Variants in NCALD observed in about 807,000 individuals in gnomAD.
NCALD encodes the protein neurocalcin delta.
A neutral mutation model predicts 18.6 loss-of-function variants in NCALD; 10 were observed. The observed-to-expected ratio is 0.54, with a 90% CI of 0.33 to 0.91. The LOEUF is 0.91. NCALD is among the 40% of genes least tolerant of loss of function. The pLI is 0.03. For missense variants in NCALD, 184 were observed against 247.6 expected, an observed-to-expected ratio of 0.74 and a Z score of 1.72; for synonymous variants, 88 against 87.4, an observed-to-expected ratio of 1.01 and a Z score of -0.04.
intron 1 of NCALD, among the ~76,000 whole-genome samples, chr8:101,741,824 C>A (rs373542129): frequency 6.8e-6 from 1 of 147,666 alleles, no homozygotes; most frequent in Non-Finnish European, 1.5e-5. Flanking sequence ...GTGGTCTCAG[C>A]TACTCAGGAA....
chr8:101,975,274 G>A (rs1013093602), intron 2 of NCALD: 50 of 152,142 alleles, frequency 3.3e-4, no homozygotes, highest in African/African-American at 1.2e-3. Context: ...TTATTTCTTC[G>A]TGTTCCAGAA....
chr8:102,082,740 A>G (rs1452232758), intron 1 of NCALD, among the ~76,000 whole-genome samples: 2 of 152,206 alleles, frequency 1.3e-5, no homozygotes, highest in Non-Finnish European at 2.9e-5. Flanking sequence ...TCAAGACCAC[A>G]TGGTGGTTAA....
intron 4 of NCALD, among the ~76,000 whole-genome samples, chr8:101,880,485 G>A (rs930615871): frequency 5.9e-5 from 9 of 152,234 alleles, no homozygotes; most frequent in African/African-American, 2.2e-4. Context: ...AGGGCTCCTG[G>A]AGCATGGCCA....
chr8:101,805,183 A>G (rs1236447247), intron 4 of NCALD, among the ~76,000 whole-genome samples: 1 of 152,210 alleles, frequency 6.6e-6, no homozygotes, highest in Non-Finnish European at 1.5e-5. Context: ...TAAAACTCTG[A>G]AAGAACACTG....
chr8:102,088,292 A>G (rs1412692714), intron 1 of NCALD, among the ~76,000 whole-genome samples: 1 of 152,146 alleles, frequency 6.6e-6, no homozygotes, highest in Non-Finnish European at 1.5e-5. Flanking sequence ...CATGACCTTT[A>G]CCATTTTTTA....
At chr8:102,095,236 G>A (rs1011214587) in intron 1 of NCALD, among the ~76,000 whole-genome samples, 1 of 152,182 alleles carries the variant, frequency 6.6e-6, no homozygotes, top group Admixed American at 6.5e-5. Flanking sequence ...ACTGAGAAGG[G>A]TGCGAGAGAT....
chr8:101,895,496 G>A (rs1440851837), intron 3 of NCALD, among the ~76,000 whole-genome samples: 1 of 151,544 alleles, frequency 6.6e-6, no homozygotes, highest in Non-Finnish European at 1.5e-5. Context: ...TCAATATAGT[G>A]TTGGAAGTTC....
intron 2 of NCALD, among the ~76,000 whole-genome samples, chr8:101,924,569 A>G (rs1390680176): frequency 6.6e-6 from 1 of 152,216 alleles, no homozygotes; most frequent in African/African-American, 2.4e-5. Flanking sequence ...AACAGATCAT[A>G]TTCATCCTCT....
intron 2 of NCALD, among the ~76,000 whole-genome samples, chr8:102,009,642 GA>G (rs1821835746): frequency 6.6e-6 from 1 of 152,230 alleles, no homozygotes; most frequent in African/African-American, 2.4e-5. Context: ...TTATGCTTAA[GA>G]GAAGTTTTGA....
intron 1 of NCALD, among the ~76,000 whole-genome samples, chr8:102,092,481 GGT>G: frequency 6.6e-6 from 1 of 152,130 alleles, no homozygotes. Context: ...ACCCCTTTCT[GGT>G]AACACCCCCA....
chr8:101,827,320 T>C (rs1484151612), intron 4 of NCALD, among the ~76,000 whole-genome samples: 1 of 152,192 alleles, frequency 6.6e-6, no homozygotes, highest in East Asian at 1.9e-4. Flanking sequence ...TCTCTCCATC[T>C]CAAGATCCTT....
intron 4 of NCALD, among the ~76,000 whole-genome samples, chr8:101,812,699 C>G (rs532837037): frequency 6.6e-6 from 1 of 152,258 alleles, no homozygotes; most frequent in African/African-American, 2.4e-5. Context: ...AACAATGGAA[C>G]CTTCTAAAAG....
intron 2 of NCALD, among the ~76,000 whole-genome samples, chr8:101,987,125 TAAGCCCCCCA>T (rs1820843091): frequency 6.6e-6 from 1 of 152,336 alleles, no homozygotes; most frequent in East Asian, 1.9e-4. Flanking sequence ...GGATAAGTGA[TAAGCCCCCCA>T]AATCAGCAGA....
At chr8:101,981,267 C>A (rs969370817) in intron 2 of NCALD, among the ~76,000 whole-genome samples, 14 of 152,094 alleles carry the variant, frequency 9.2e-5, no homozygotes, top group African/African-American at 2.9e-4. Context: ...GTATGCATAC[C>A]TACAAGAAAC....
chr8:102,058,436 T>A (rs1823728643), intron 1 of NCALD, among the ~76,000 whole-genome samples: 1 of 152,238 alleles, frequency 6.6e-6, no homozygotes, highest in African/African-American at 2.4e-5. Context: ...TACCTATACC[T>A]GTCCCTGTGG....
chr8:101,813,319 C>T (rs1043643220), intron 4 of NCALD, among the ~76,000 whole-genome samples: 1 of 151,904 alleles, frequency 6.6e-6, no homozygotes, highest in African/African-American at 2.4e-5. Context: ...TGATTAAAAC[C>T]ACTGCAGCAT....
intron 1 of NCALD, among the ~76,000 whole-genome samples, chr8:102,064,884 C>A (rs1446509747): frequency 6.6e-6 from 1 of 152,016 alleles, no homozygotes; most frequent in African/African-American, 2.4e-5. Flanking sequence ...GGTGTCTCCC[C>A]ATCCACTCAT....
At position 102,051,204 on chromosome 8, in the gene NCALD, G is replaced by A. The variant is rs1823446008; in HGVS notation, c.-209-30915C>T. 1.3e-5 allele frequency among the ~76,000 whole-genome samples: 2 copies of A among 152,114 alleles called. 1 individual carries two copies. The highest frequency in any genetic ancestry group is 2.9e-5 in the Non-Finnish European group (2 of 68,038). ...TGGCCTCACTGATTTTCTGGAGCCA[G>A]GTGCTAGGTTTGGATCCTGGCTCCA... On this transcript the variant is annotated intron_variant, in intron 1 of 6. Transcript: ENST00000311028.
At chr8:101,811,568 T>C (rs1008392849) in intron 4 of NCALD, among the ~76,000 whole-genome samples, 5 of 152,202 alleles carry the variant, frequency 3.3e-5, no homozygotes, top group Non-Finnish European at 5.9e-5. Context: ...AGGCAACAAA[T>C]GCGTGCTGAG....
Sources: gnomAD v4.1 joint callset for allele counts (sites outside exome capture counted in the v4.1 genomes callset) on GRCh38, gnomAD v4.1.1 for gene constraint, MANE v1.5 for transcripts, NCBI Gene and HGNC (gene_info 2026-07-23, HGNC 2026-07-21) for gene names.